ILDR1: variants seen among roughly 807,000 people sequenced by gnomAD.
ILDR1 encodes the protein immunoglobulin like domain containing receptor 1, also known as immunoglobulin-like domain-containing receptor 1.
Under a neutral mutation model 62.4 loss-of-function variants are expected in ILDR1, and 56 were observed. The ratio of observed to expected loss-of-function variants is 0.90; its 90% CI spans 0.72 to 1.12. The LOEUF (loss-of-function observed/expected upper bound fraction) is 1.12. ILDR1 is among the 50% of genes most tolerant of loss of function. The probability of loss-of-function intolerance (pLI) is 0.00; values close to 1 mark genes in which losing one functional copy is unlikely to be tolerated. For missense variants in ILDR1, 736 were observed against 710.6 expected (o/e 1.04, Z -0.41); for synonymous variants, 284 against 277.8 (o/e 1.02, Z -0.22).
chr3:122,060,604 A>G, the ILDR1 span, among the ~76,000 whole-genome samples: 1 of 152,160 alleles, frequency 6.6e-6, no homozygotes, highest in Admixed American at 6.6e-5. Context: ...TCTGAGCAAC[A>G]TAGCGAGACT....
At chr3:122,033,188 G>T in the ILDR1 span, among the ~76,000 whole-genome samples, 4 of 152,048 alleles carry the variant, frequency 2.6e-5, no homozygotes, top group East Asian at 5.8e-4. Flanking sequence ...TAGCTCTGCT[G>T]GTGGGTGTGA....
At chr3:122,050,640 G>GT in the ILDR1 span, among the ~76,000 whole-genome samples, 139,873 of 150,584 alleles carry the variant, frequency 0.93, 65,493 homozygotes, top group East Asian at 1. Context: ...CTATGCTTTT[G>GT]TTTTTTTTAA....
chr3:122,041,034 C>G, the ILDR1 span, among the ~76,000 whole-genome samples: 1 of 151,968 alleles, frequency 6.6e-6, no homozygotes, highest in Non-Finnish European at 1.5e-5. Context: ...AACTGTTATC[C>G]GAAATATATA....
chr3:122,044,585 C>G, the ILDR1 span, among the ~76,000 whole-genome samples: 2 of 151,572 alleles, frequency 1.3e-5, no homozygotes, highest in Non-Finnish European at 3.0e-5. Flanking sequence ...ATTATTGCCA[C>G]AATTTCAGCT....
the ILDR1 span, among the ~76,000 whole-genome samples, chr3:122,056,630 G>A: frequency 2.0e-4 from 30 of 152,202 alleles, no homozygotes; most frequent in African/African-American, 7.0e-4. Context: ...CCGCGCACCC[G>A]GCCGTCACTA....
the ILDR1 span, chr3:122,055,607 C>T: frequency 9.5e-7 from 1 of 1,057,120 alleles, no homozygotes; most frequent in Non-Finnish European, 1.5e-6. Context: ...CACTTAGTTC[C>T]TAAGTGGAGA....
intron 3 of ILDR1, among the ~76,000 whole-genome samples, chr3:122,002,079 G>A (rs2071537509): frequency 6.6e-6 from 1 of 152,166 alleles, no homozygotes; most frequent in South Asian, 2.1e-4. Flanking sequence ...AGTTGAAGCT[G>A]CAGTGAGCTA....
rs2071624721 is a variant in ILDR1 at position 122,007,078 on chromosome 3, TGTA to T, written c.139_141del (p.Tyr47del). 37 of 1,614,094 alleles carry T rather than the reference TGTA, an allele frequency of 2.3e-5. No individual in the cohort carries two copies. Among genetic ancestry groups the T allele is most frequent in the Non-Finnish European group, 3.1e-5 (37 of 1,180,018 alleles). On this transcript the variant is annotated inframe_deletion, in exon 2 of 8. Coordinates refer to ENST00000344209, the MANE Select transcript of ILDR1 (RefSeq NM_001199799.2). ...ACGTCCTGGAGCTGGGCAGAGGTGG[TGTA>T]GTCACATTTGAGGATGATAGAGGCA... is the stretch of plus-strand genomic sequence containing the variant.
chr3:122,010,190 A>G lies in ILDR1; in HGVS notation c.59-3029T>C, dbSNP rs547484716. ...TACTTGGGTAACCTGGGGGAAACCA[A>G]TCTAGCTGTGTCTCCAGCTTTATGG... On this transcript the variant is annotated intron_variant, in intron 1 of 7. Transcript: ENST00000344209. Among the ~76,000 whole-genome samples, 259 of 152,332 alleles carry G rather than the reference A, an allele frequency of 1.7e-3. 1 individual carries two copies. Among genetic ancestry groups the G allele is most frequent in the South Asian group, 2.9e-3 (14 of 4,826 alleles).
chr3:122,061,096 A>G, the ILDR1 span, among the ~76,000 whole-genome samples: 1 of 152,244 alleles, frequency 6.6e-6, no homozygotes, highest in African/African-American at 2.4e-5. Context: ...GCACTAAAAC[A>G]TCAAGTAAAA....
chr3:122,045,557 C>T, the ILDR1 span, among the ~76,000 whole-genome samples: 5,001 of 149,344 alleles, frequency 0.033, 262 homozygotes, highest in African/African-American at 0.12. Flanking sequence ...GAGTCTAAGT[C>T]TCTTTGTAGG....
At chr3:122,000,360 A>G (rs1472143881) in intron 5 of ILDR1, among the ~76,000 whole-genome samples, 2 of 152,308 alleles carry the variant, frequency 1.3e-5, no homozygotes, top group African/African-American at 4.8e-5. Flanking sequence ...GACTTAATCA[A>G]TCATGCCTAT....
At chr3:122,005,106 C>T in intron 3 of ILDR1, 138 bp downstream of exon 3, 1 of 679,382 alleles carries the variant, frequency 1.5e-6, no homozygotes, top group Non-Finnish European at 2.5e-6. Context: ...CTGGCACTTT[C>T]CTCAAACAAT....
the ILDR1 span, among the ~76,000 whole-genome samples, chr3:122,029,279 G>T: frequency 1.3e-5 from 2 of 152,008 alleles, no homozygotes; most frequent in Admixed American, 1.3e-4. Flanking sequence ...GGCAGAGGTG[G>T]GTGGATCACT....
chr3:122,037,121 T>A, the ILDR1 span, among the ~76,000 whole-genome samples: 2 of 152,324 alleles, frequency 1.3e-5, no homozygotes, highest in East Asian at 3.9e-4. Flanking sequence ...GGAGCCCTCA[T>A]GGAGAATCTT....
Position 122,009,098 on chromosome 3 carries a change from T to C in ILDR1, c.59-1937A>G, listed in dbSNP as rs1418983369. ...ACAGGCATGCACCACCATGCCTGACTTTTTAAATTTTTAGTAGAGATGAAG... is the reference window on the plus strand; with the variant it reads ...ACAGGCATGCACCACCATGCCTGACCTTTTAAATTTTTAGTAGAGATGAAG... On this transcript the variant is annotated intron_variant, in intron 1 of 7. Coordinates refer to ENST00000344209, the MANE Select transcript of ILDR1 (RefSeq NM_001199799.2). Among the ~76,000 whole-genome samples the C allele has an allele frequency of 3.9e-5, 6 of 151,948 alleles. No individual in the cohort carries two copies. The East Asian group carries it at 1.2e-3, about 29-fold the overall frequency.
the ILDR1 span, among the ~76,000 whole-genome samples, chr3:122,032,838 C>T: frequency 6.6e-6 from 1 of 152,244 alleles, no homozygotes; most frequent in Non-Finnish European, 1.5e-5. Flanking sequence ...GGGAGTGAGC[C>T]ATCTTAAAAA....
intron 1 of ILDR1, among the ~76,000 whole-genome samples, chr3:122,013,588 A>T (rs1378416573): frequency 6.6e-6 from 1 of 152,148 alleles, no homozygotes; most frequent in Non-Finnish European, 1.5e-5. Context: ...ACATTTCCTC[A>T]GATAACAGTG....
At chr3:122,039,166 TA>T in the ILDR1 span, among the ~76,000 whole-genome samples, 2 of 150,734 alleles carry the variant, frequency 1.3e-5, no homozygotes, top group African/African-American at 4.9e-5. Flanking sequence ...AGAGACAGAA[TA>T]TAAGACATAA....
Sources: gnomAD v4.1 joint callset for allele counts (sites outside exome capture counted in the v4.1 genomes callset) on GRCh38, gnomAD v4.1.1 for gene constraint, MANE v1.5 for transcripts, NCBI Gene and HGNC (gene_info 2026-07-23, HGNC 2026-07-21) for gene names.